The following PPARGC1A variants were observed in gnomAD, a reference collection of about 807,000 sequenced individuals.
PPARGC1A encodes the protein PPARG coactivator 1 alpha, also known as peroxisome proliferator-activated receptor gamma coactivator 1-alpha.
Under a neutral mutation model 88.7 loss-of-function variants are expected in PPARGC1A, and 25 were observed. The ratio of observed to expected loss-of-function variants is 0.28; its 90% CI spans 0.21 to 0.39. The LOEUF (loss-of-function observed/expected upper bound fraction) is 0.39, where lower values mean the gene tolerates loss of function less well. PPARGC1A is among the 10% of genes least tolerant of loss of function. PPARGC1A has a pLI of 1.00. For missense variants in PPARGC1A, 880 were observed against 968.7 expected (o/e 0.91, Z 1.22); for synonymous variants, 363 against 355.6 (o/e 1.02, Z -0.24).
chr4:23,977,822 T>C, the PPARGC1A span, among the ~76,000 whole-genome samples: 1 of 152,218 alleles, frequency 6.6e-6, no homozygotes, highest in African/African-American at 2.4e-5. Flanking sequence ...ACGACTAAGA[T>C]GGTACCTGTT....
At chr4:24,063,999 TG>T in the PPARGC1A span, among the ~76,000 whole-genome samples, 1 of 150,246 alleles carries the variant, frequency 6.7e-6, no homozygotes, top group Admixed American at 6.7e-5. Flanking sequence ...TTCGAGACTC[TG>T]GAGTGGGCCA....
the PPARGC1A span, among the ~76,000 whole-genome samples, chr4:24,169,650 A>T: frequency 6.6e-6 from 1 of 152,080 alleles, no homozygotes; most frequent in South Asian, 2.1e-4. Context: ...TGGGTGGATC[A>T]CCTGAGATTA....
chr4:23,831,441 G>T, intron 3 of PPARGC1A, 116 bp downstream of exon 3: 1 of 901,310 alleles, frequency 1.1e-6, no homozygotes, highest in Non-Finnish European at 1.7e-6. Context: ...CTTGGGGATT[G>T]CTTTGGCATC....
At chr4:24,308,293 GAAAAAAAA>G in the PPARGC1A span, among the ~76,000 whole-genome samples, 1 of 72,950 alleles carries the variant, frequency 1.4e-5, no homozygotes, top group Non-Finnish European at 2.7e-5. Context: ...CTCTGCCACC[GAAAAAAAA>G]AAAAAAAAAA....
At chr4:24,313,548 T>C in the PPARGC1A span, among the ~76,000 whole-genome samples, 2 of 152,212 alleles carry the variant, frequency 1.3e-5, no homozygotes, top group African/African-American at 4.8e-5. Context: ...TCAGTTTCTA[T>C]GGTAGACTGA....
chr4:24,288,949 T>C, the PPARGC1A span, among the ~76,000 whole-genome samples: 2 of 152,072 alleles, frequency 1.3e-5, no homozygotes, highest in African/African-American at 4.8e-5. Context: ...GGGCCAGGTG[T>C]GGTGGCTCAT....
the PPARGC1A span, among the ~76,000 whole-genome samples, chr4:24,230,593 CTAATT>C: frequency 6.6e-6 from 1 of 152,090 alleles, no homozygotes; most frequent in East Asian, 1.9e-4. Flanking sequence ...GATATGGTCT[CTAATT>C]TAAACCCTGA....
intron 10 of PPARGC1A, among the ~76,000 whole-genome samples, chr4:23,802,706 A>AC (rs1350091687): frequency 1.3e-5 from 2 of 150,016 alleles, no homozygotes; most frequent in East Asian, 3.9e-4. Flanking sequence ...AAAAAAGCTA[A>AC]CCCTCTAGAA....
the PPARGC1A span, among the ~76,000 whole-genome samples, chr4:24,467,802 G>A: frequency 6.6e-6 from 1 of 152,142 alleles, no homozygotes; most frequent in Non-Finnish European, 1.5e-5. Context: ...ATTCAAAACA[G>A]TCACTGCCTA....
intron 12 of PPARGC1A, among the ~76,000 whole-genome samples, chr4:23,800,743 AC>A (rs747963272): frequency 2.0e-5 from 3 of 151,672 alleles, no homozygotes; most frequent in Non-Finnish European, 2.9e-5. Flanking sequence ...TTTTCTTAAT[AC>A]CTTTTTATAT....
chr4:24,190,005 G>A, the PPARGC1A span, among the ~76,000 whole-genome samples: 1 of 152,132 alleles, frequency 6.6e-6, no homozygotes, highest in Non-Finnish European at 1.5e-5. Context: ...ATAAATTCTT[G>A]CTAACGTAGT....
chr4:23,927,746 G>A, the PPARGC1A span, among the ~76,000 whole-genome samples: 1 of 152,140 alleles, frequency 6.6e-6, no homozygotes, highest in Non-Finnish European at 1.5e-5. Flanking sequence ...CACATCAGAA[G>A]GGATGGAATC....
rs570456373 is a variant in PPARGC1A, at chr4:23,848,288, C to A, written c.235-16537G>T. Among the ~76,000 whole-genome samples, 10 of 152,312 alleles carry A rather than the reference C, an allele frequency of 6.6e-5. No individual in the cohort carries two copies. In the South Asian group the frequency reaches 2.1e-3, roughly 32 times the overall value. On this transcript the variant is annotated intron_variant, in intron 2 of 12. Coordinates refer to ENST00000264867, the MANE Select transcript of PPARGC1A (RefSeq NM_013261.5). ...ACTTAAATTTATTTCTTCCTCACAG[C>A]ACCTCACAGTAGCAAGTAGACTATA...
chr4:24,008,156 G>T, the PPARGC1A span, among the ~76,000 whole-genome samples: 4 of 152,180 alleles, frequency 2.6e-5, no homozygotes, highest in African/African-American at 4.8e-5. Flanking sequence ...GCCCAGCTGG[G>T]AAGCTATTTG....
At chr4:23,817,798 T>C (rs1418096762) in intron 7 of PPARGC1A, among the ~76,000 whole-genome samples, 1 of 152,168 alleles carries the variant, frequency 6.6e-6, no homozygotes, top group African/African-American at 2.4e-5. Context: ...GATGACAAGA[T>C]TTCCTATCAC....
the PPARGC1A span, among the ~76,000 whole-genome samples, chr4:24,316,850 C>G: frequency 6.6e-6 from 1 of 152,178 alleles, no homozygotes; most frequent in Non-Finnish European, 1.5e-5. Flanking sequence ...ATTCTTGAAG[C>G]CACTATGTCT....
the PPARGC1A span, among the ~76,000 whole-genome samples, chr4:24,398,176 G>C: frequency 6.6e-6 from 1 of 152,112 alleles, no homozygotes; most frequent in Non-Finnish European, 1.5e-5. Context: ...GATGGGAAAT[G>C]ATTATTATAT....
At chr4:23,953,915 T>C in the PPARGC1A span, among the ~76,000 whole-genome samples, 1 of 152,026 alleles carries the variant, frequency 6.6e-6, no homozygotes, top group East Asian at 1.9e-4. Context: ...AGCACATACA[T>C]TGTTATGAAG....
chr4:23,939,053 G>A, the PPARGC1A span, among the ~76,000 whole-genome samples: 1 of 152,132 alleles, frequency 6.6e-6, no homozygotes, highest in Non-Finnish European at 1.5e-5. Context: ...AGCTTACCCA[G>A]TGTTGCTTTT....
Sources: allele counts gnomAD v4.1 joint callset (sites outside exome capture counted in the v4.1 genomes callset), GRCh38; gene constraint gnomAD v4.1.1; transcripts MANE v1.5; gene names NCBI Gene and HGNC (gene_info 2026-07-23, HGNC 2026-07-21).